C2orf92: variants seen among roughly 807,000 people sequenced by gnomAD.
The protein encoded by C2orf92 is chromosome 2 open reading frame 92.
intron 3 of C2orf92, among the ~76,000 whole-genome samples, chr2:97,681,106 CAAAAAAAAA>C (rs58856044): frequency 1.0e-3 from 12 of 11,968 alleles, no homozygotes; most frequent in South Asian, 4.5e-3. Flanking sequence ...GACTCCATCT[CAAAAAAAAA>C]AAAAAAAAAA....
At chr2:97,690,438 C>T (rs915305212) in intron 5 of C2orf92, 111 bp downstream of exon 5, 39 of 368,550 alleles carry the variant, frequency 1.1e-4, no homozygotes, top group African/African-American at 6.9e-4. Flanking sequence ...TGGAGTACAG[C>T]GGTGCAGTCT....
At chr2:97,664,510 T>G (rs141392966) in intron 1 of C2orf92, 1 of 152,322 alleles carries the variant, frequency 6.6e-6, no homozygotes, top group African/African-American at 2.4e-5. Flanking sequence ...CTGGAAATCT[T>G]GGGCTCAAGC....
At position 97,699,277 on chromosome 2, in the gene C2orf92, C is replaced by A. The variant is rs943505596; in HGVS notation, c.514+141C>A. On this transcript the variant is annotated intron_variant, in intron 6 of 7. Coordinates refer to ENST00000627399, the MANE Select transcript of C2orf92 (RefSeq NM_001351368.2). ...TGAATTAAATCTGCAGTGAATACAA[C>A]CTGCAGTTAAAATTTATGAATTAAA... 12 of 391,888 alleles carry A rather than the reference C, an allele frequency of 3.1e-5. No individual in the cohort carries two copies. In the East Asian group the frequency reaches 4.3e-4, roughly 14 times the overall value. 24.3% of individuals were successfully genotyped at this position (391,888 alleles called of 1,614,324 possible).
chr2:97,688,885 T>G lies in C2orf92; in HGVS notation c.233-10T>G. On this transcript the variant is annotated splice_polypyrimidine_tract_variant and intron_variant, in intron 3 of 7. Transcript: ENST00000627399. ...GCTGTATTAACATGCCTTTGTTTGCTCCACTGGAGATGAAATTCTACTGCA... is the reference window on the plus strand; with the variant it reads ...GCTGTATTAACATGCCTTTGTTTGCGCCACTGGAGATGAAATTCTACTGCA... The G allele has an allele frequency of 2.5e-6, 1 of 398,620 alleles. No homozygotes were observed. 24.7% of individuals were successfully genotyped at this position (398,620 alleles called of 1,614,324 possible).
chr2:97,693,083 G>A (rs1676192801), intron 5 of C2orf92, among the ~76,000 whole-genome samples: 1 of 152,146 alleles, frequency 6.6e-6, no homozygotes, highest in Admixed American at 6.5e-5. Flanking sequence ...TACAGTATTT[G>A]TCTTTTTGTG....
intron 1 of C2orf92, chr2:97,671,373 CT>C: frequency 2.5e-6 from 1 of 397,332 alleles, no homozygotes; most frequent in Non-Finnish European, 4.4e-6. Context: ...CCTCGAACTC[CT>C]GACCTCAAGT....
At chr2:97,699,612 T>A (rs560891029) in intron 6 of C2orf92, among the ~76,000 whole-genome samples, 27 of 151,986 alleles carry the variant, frequency 1.8e-4, no homozygotes, top group South Asian at 1.7e-3. Flanking sequence ...TCTAAAAAAA[T>A]AAATAAATAA....
chr2:97,685,341 C>A (rs1375042365), intron 3 of C2orf92, among the ~76,000 whole-genome samples: 2 of 149,992 alleles, frequency 1.3e-5, no homozygotes, highest in East Asian at 3.9e-4. Flanking sequence ...TCTCGGCTCA[C>A]TGCAAACTCT....
chr2:97,674,662 G>A (rs973332538), intron 2 of C2orf92, 105 bp downstream of exon 2: 2 of 395,920 alleles, frequency 5.1e-6, no homozygotes, highest in Non-Finnish European at 4.4e-6. Flanking sequence ...ATTAACTACT[G>A]TGGTGGAGGG....
intron 3 of C2orf92, among the ~76,000 whole-genome samples, chr2:97,686,106 G>A (rs1209891855): frequency 2.0e-5 from 3 of 152,244 alleles, no homozygotes; most frequent in East Asian, 3.8e-4. Flanking sequence ...CCTTCTTGCT[G>A]TGTCATCATC....
chr2:97,675,822 A>C (rs533953723), intron 2 of C2orf92, 23 bp from the exon 3 acceptor site: 1 of 399,126 alleles, frequency 2.5e-6, no homozygotes, highest in South Asian at 1.3e-4. Flanking sequence ...ACTTAATCAC[A>C]GCCATGGTTT....
chr2:97,673,761 A>C (rs1239720634), intron 1 of C2orf92, among the ~76,000 whole-genome samples: 1 of 152,000 alleles, frequency 6.6e-6, no homozygotes, highest in Non-Finnish European at 1.5e-5. Context: ...ACACCAGGTC[A>C]CCTTCCTCTC....
intron 4 of C2orf92, among the ~76,000 whole-genome samples, chr2:97,689,926 C>T (rs1311878197): frequency 3.3e-5 from 5 of 152,062 alleles, no homozygotes; most frequent in African/African-American, 9.7e-5. Flanking sequence ...GTCAGGAGTT[C>T]GAGACCAGCC....
chr2:97,669,530 A>G (rs1675339793), upstream of C2orf92: 1 of 354,828 alleles, frequency 2.8e-6, no homozygotes, highest in South Asian at 1.5e-4. Flanking sequence ...CCCTCAGGAC[A>G]TGCAGGATGG....
intron 3 of C2orf92, among the ~76,000 whole-genome samples, chr2:97,685,241 T>G (rs1675915563): frequency 6.6e-6 from 1 of 151,126 alleles, no homozygotes; most frequent in African/African-American, 2.4e-5. Context: ...GAATGGCTAT[T>G]TTGGTTTTTT....
intron 5 of C2orf92, among the ~76,000 whole-genome samples, chr2:97,690,772 G>GTT (rs796474677): frequency 7.4e-5 from 9 of 121,002 alleles, no homozygotes; most frequent in Admixed American, 1.7e-4. Flanking sequence ...GAGAGTACTT[G>GTT]TTTTTTTTTT....
At chr2:97,700,186 G>T (rs1166380165) in intron 6 of C2orf92, among the ~76,000 whole-genome samples, 1 of 152,184 alleles carries the variant, frequency 6.6e-6, no homozygotes, top group Non-Finnish European at 1.5e-5. Context: ...TCCCCAGCCT[G>T]TGCTCAGTGG....
At chr2:97,667,272 T>A (rs985762159), upstream of C2orf92, among the ~76,000 whole-genome samples, 3 of 150,768 alleles carry the variant, frequency 2.0e-5, no homozygotes, top group East Asian at 1.9e-4. Flanking sequence ...TTTTTTATTT[T>A]TTTTTTTTTT....
rs890052348 is a variant in C2orf92 at position 97,674,446 on chromosome 2, T to G, written c.47-10T>G. The G allele has an allele frequency of 2.5e-6, 1 of 398,508 alleles. No individual in the cohort carries two copies. The highest frequency in any genetic ancestry group is 4.4e-6 in the Non-Finnish European group (1 of 226,080). The allele number at this position is 398,508 out of a possible 1,614,324, so 24.7% of individuals were successfully genotyped here. A position where few individuals can be genotyped will look rare whatever the true frequency, so the allele number is the denominator to read the frequency against. On this transcript the variant is annotated splice_polypyrimidine_tract_variant and intron_variant, in intron 1 of 7. Coordinates refer to ENST00000627399, the MANE Select transcript of C2orf92 (RefSeq NM_001351368.2). Reference sequence around the variant, plus strand: ...CTGATATTAACATGCCTTTGTTTGCTTCACTGGAGATGAAATTGTGCTCCA... The same window carrying G: ...CTGATATTAACATGCCTTTGTTTGCGTCACTGGAGATGAAATTGTGCTCCA...
Sources: gnomAD v4.1 joint callset for allele counts (sites outside exome capture counted in the v4.1 genomes callset) on GRCh38, gnomAD v4.1.1 for gene constraint, MANE v1.5 for transcripts, NCBI Gene and HGNC (gene_info 2026-07-23, HGNC 2026-07-21) for gene names.